Variants in TPTE observed in about 807,000 individuals in gnomAD.
TPTE encodes the protein putative tyrosine-protein phosphatase TPTE.
Under a neutral mutation model 84.1 loss-of-function variants are expected in TPTE, and 59 were observed. That is an observed-to-expected ratio of 0.70 (90% confidence interval 0.57 to 0.87). The LOEUF (loss-of-function observed/expected upper bound fraction) is 0.87. Ranked by LOEUF, TPTE falls within the 40% of genes least tolerant of loss-of-function variation. The pLI is 0.00. For missense variants in TPTE, 382 were observed against 659.6 expected (o/e 0.58, Z 4.61); for synonymous variants, 130 against 223.5 (o/e 0.58, Z 3.73).
chr21:10,561,965 A>G (rs887221505), intron 10 of TPTE, among the ~76,000 whole-genome samples: 5 of 152,308 alleles, frequency 3.3e-5, no homozygotes, highest in Admixed American at 1.3e-4. Flanking sequence ...GTCTGACCCA[A>G]TGCAGTCACA....
At chr21:10,594,556 T>C (rs1429537272) in intron 19 of TPTE, among the ~76,000 whole-genome samples, 32 of 152,286 alleles carry the variant, frequency 2.1e-4, no homozygotes, top group Non-Finnish European at 4.4e-4. Flanking sequence ...CACAAGCAGC[T>C]TGAGGGCCCT....
At chr21:10,599,273 C>T (rs1167258623) in intron 21 of TPTE, among the ~76,000 whole-genome samples, 1 of 152,308 alleles carries the variant, frequency 6.6e-6, no homozygotes, top group Non-Finnish European at 1.5e-5. Flanking sequence ...CCTTTCTGTT[C>T]TCACTGCCAC....
chr21:10,539,055 A>G (rs2074319775), intron 4 of TPTE, among the ~76,000 whole-genome samples: 1 of 152,310 alleles, frequency 6.6e-6, no homozygotes, highest in Non-Finnish European at 1.5e-5. Context: ...TGATATAAAA[A>G]GGAGCAGGTC....
At chr21:10,588,343 A>T (rs1333499682) in intron 17 of TPTE, among the ~76,000 whole-genome samples, 2 of 152,424 alleles carry the variant, frequency 1.3e-5, no homozygotes, top group Admixed American at 6.5e-5. Context: ...AATGAAGCTT[A>T]CTTGATCATG....
In TPTE at chr21:10,579,527, C is replaced by G. The variant is rs1033502923; in HGVS notation, c.1027+922C>G. Among the ~76,000 whole-genome samples the G allele has an allele frequency of 2.6e-5, 4 of 152,422 alleles. No individual in the cohort carries two copies. The South Asian group carries it at 6.2e-4, about 24-fold the overall frequency. On this transcript the variant is annotated intron_variant, in intron 17 of 23. Coordinates refer to ENST00000618007, the MANE Select transcript of TPTE (RefSeq NM_199261.4). ...ATAATCATAAAGTAAAAACCAACATCTTCACAATCCCCCAAGTTTTGTCTC... is the reference window on the plus strand; with the variant it reads ...ATAATCATAAAGTAAAAACCAACATGTTCACAATCCCCCAAGTTTTGTCTC...
chr21:10,549,806 G>GGAGA (rs2074539694), intron 7 of TPTE, among the ~76,000 whole-genome samples: 1 of 152,308 alleles, frequency 6.6e-6, no homozygotes, highest in South Asian at 2.1e-4. Flanking sequence ...AACTCTTGAG[G>GGAGA]GAGAGCTAGA....
rs1347537773 is a variant in TPTE at position 10,525,558 on chromosome 21, A to C, written c.-102+870A>C. 7.2e-5 allele frequency among the ~76,000 whole-genome samples: 11 copies of C among 152,418 alleles called. No individual in the cohort carries two copies. In the East Asian group the frequency reaches 1.5e-3, roughly 21 times the overall value. On this transcript the variant is annotated intron_variant, in intron 2 of 23. Transcript: ENST00000618007. ...AAATGAATATCTGTATGTGTGGCAG[A>C]TTTGGTCGGAGACCTACTTTTCATT... is the stretch of plus-strand genomic sequence containing the variant.
chr21:10,549,389 G>A (rs1341346353), intron 7 of TPTE, among the ~76,000 whole-genome samples: 6 of 152,410 alleles, frequency 3.9e-5, no homozygotes, highest in African/African-American at 7.2e-5. Context: ...AACATATGAT[G>A]TGACAGAAAA....
chr21:10,571,568 CTA>C (rs1312518405), intron 14 of TPTE, among the ~76,000 whole-genome samples: 3 of 152,308 alleles, frequency 2.0e-5, no homozygotes, highest in East Asian at 1.9e-4. Context: ...CTTAAGGAAA[CTA>C]TGAGATACAG....
At chr21:10,539,132 A>G (rs1353334286) in intron 4 of TPTE, among the ~76,000 whole-genome samples, 7 of 152,310 alleles carry the variant, frequency 4.6e-5, no homozygotes, top group Middle Eastern at 3.2e-3. Flanking sequence ...GCAGCAGCTT[A>G]AAGGACTCAG....
At chr21:10,601,142 A>T (rs1412446028) in intron 21 of TPTE, among the ~76,000 whole-genome samples, 3 of 152,308 alleles carry the variant, frequency 2.0e-5, no homozygotes, top group Non-Finnish European at 4.4e-5. Context: ...ACACACATTA[A>T]ATAATAATAT....
chr21:10,590,916 G>A (rs530804902), intron 18 of TPTE, among the ~76,000 whole-genome samples: 162 of 152,132 alleles, frequency 1.1e-3, no homozygotes, highest in African/African-American at 3.8e-3. Flanking sequence ...GGGGAGTAAA[G>A]CCATGTTACA....
intron 17 of TPTE, among the ~76,000 whole-genome samples, chr21:10,582,418 C>T (rs1383470517): frequency 6.6e-6 from 1 of 152,310 alleles, no homozygotes; most frequent in Non-Finnish European, 1.5e-5. Context: ...GCATAATTGT[C>T]TTGCTCTTCT....
intron 17 of TPTE, among the ~76,000 whole-genome samples, chr21:10,580,094 C>G (rs2075244484): frequency 1.3e-5 from 2 of 152,310 alleles, no homozygotes; most frequent in African/African-American, 4.8e-5. Context: ...TTTGCTTTTC[C>G]CTGATGATTA....
At chr21:10,593,125 A>G (rs1297064622) in intron 19 of TPTE, among the ~76,000 whole-genome samples, 2 of 152,312 alleles carry the variant, frequency 1.3e-5, no homozygotes, top group African/African-American at 4.8e-5. Context: ...CATTTCATCC[A>G]TTCTTTCCCA....
At position 10,539,137 on chromosome 21, in the gene TPTE, A is replaced by T. The variant is rs1190024924; in HGVS notation, c.11+403A>T. On this transcript the variant is annotated intron_variant, in intron 4 of 23. Coordinates refer to ENST00000618007, the MANE Select transcript of TPTE (RefSeq NM_199261.4). ...TTCCTAGTAAGCAGCAGCTTAAAGG[A>T]CTCAGATTTCCTGAGTTTGAGAGCC... Among the ~76,000 whole-genome samples the T allele has an allele frequency of 2.0e-5, 3 of 152,424 alleles. No individual in the cohort carries two copies. In the East Asian group the frequency reaches 5.8e-4, roughly 29 times the overall value.
intron 6 of TPTE, among the ~76,000 whole-genome samples, chr21:10,542,913 C>T (rs2074396972): frequency 6.6e-6 from 1 of 152,236 alleles, no homozygotes; most frequent in African/African-American, 2.4e-5. Flanking sequence ...TTTTATGGGA[C>T]TCAGATTTCT....
intron 17 of TPTE, among the ~76,000 whole-genome samples, chr21:10,582,172 T>C (rs2075283447): frequency 6.6e-6 from 1 of 152,312 alleles, no homozygotes; most frequent in Non-Finnish European, 1.5e-5. Context: ...TCAAAAATAT[T>C]CAAGTTCCAT....
chr21:10,528,178 C>T (rs369492360), intron 3 of TPTE, among the ~76,000 whole-genome samples: 9 of 152,050 alleles, frequency 5.9e-5, no homozygotes, highest in East Asian at 1.9e-4. Flanking sequence ...TAATTTGTAG[C>T]GCAATCATAG....
Sources: allele counts gnomAD v4.1 joint callset (sites outside exome capture counted in the v4.1 genomes callset), GRCh38; gene constraint gnomAD v4.1.1; transcripts MANE v1.5; gene names NCBI Gene and HGNC (gene_info 2026-07-23, HGNC 2026-07-21).